The following MTX3 variants were observed in gnomAD, a reference collection of about 807,000 sequenced individuals.
The protein encoded by MTX3 is metaxin-3.
A neutral mutation model predicts 42.5 loss-of-function variants in MTX3; 27 were observed. That is an observed-to-expected ratio of 0.64 (90% CI 0.47 to 0.88). The LOEUF (loss-of-function observed/expected upper bound fraction) is 0.88, where lower values mean the gene tolerates loss of function less well. Ranked by LOEUF, MTX3 falls within the 40% of genes least tolerant of loss-of-function variation. The pLI is 0.00. For synonymous variants in MTX3, 144 were observed against 132.9 expected (o/e 1.08, Z -0.57); for missense variants, 378 against 367.0 (o/e 1.03, Z -0.25).
At chr5:79,989,322 T>C in intron 3 of MTX3, 78 bp from the exon 4 acceptor site, 1 of 876,874 alleles carries the variant, frequency 1.1e-6, no homozygotes, top group South Asian at 1.7e-5. Context: ...CAAATCAGGA[T>C]TCATATTTTT....
intron 1 of MTX3, 40 bp downstream of exon 1, chr5:79,991,117 CG>C (rs1450334845): frequency 1.3e-6 from 2 of 1,533,416 alleles, no homozygotes; most frequent in African/African-American, 2.8e-5. Flanking sequence ...CCTCCAGCCC[CG>C]CCCCTTCCTC....
chr5:79,985,924 G>GT (rs59185045), intron 7 of MTX3, among the ~76,000 whole-genome samples: 12,614 of 97,996 alleles, frequency 0.13, 1,167 homozygotes, highest in African/African-American at 0.32. Flanking sequence ...ACAATAATTA[G>GT]TTTTTTTTTT....
At position 79,982,788 on chromosome 5, in the gene MTX3, A is replaced by T; in HGVS notation, c.*896T>A. 1 of 195,370 alleles carries T rather than the reference A, an allele frequency of 5.1e-6. No individual in the cohort carries two copies. The highest frequency in any genetic ancestry group is 1.1e-5 in the Non-Finnish European group (1 of 94,374). The allele number at this position is 195,370 out of a possible 1,614,324, so 12.1% of individuals were successfully genotyped here. ...CATAGAAAACTTGGACCAGATGCAC[A>T]GTATTTCTACTACCCTGGCCATGGG... On this transcript the variant is annotated 3_prime_UTR_variant, in exon 9 of 9. Transcript: ENST00000512528.
intron 7 of MTX3, among the ~76,000 whole-genome samples, chr5:79,985,929 T>TG (rs1355785124): frequency 3.4e-5 from 4 of 117,238 alleles, no homozygotes; most frequent in African/African-American, 1.3e-4. Context: ...AATTAGTTTT[T>TG]TTTTTTTTTT....
rs1490276009 is a variant in MTX3 at position 79,982,365 on chromosome 5, G to T, written c.*1319C>A. 1 of 456,276 alleles carries T rather than the reference G, an allele frequency of 2.2e-6. No homozygotes were observed. The highest frequency in any genetic ancestry group is 2.0e-5 in the African/African-American group (1 of 50,056). The allele number at this position is 456,276 out of a possible 1,614,324, so 28.3% of individuals were successfully genotyped here. A position where few individuals can be genotyped will look rare whatever the true frequency, so the allele number is the denominator to read the frequency against. On this transcript the variant is annotated 3_prime_UTR_variant, in exon 9 of 9. Coordinates refer to ENST00000512528, the MANE Select transcript of MTX3 (RefSeq NM_001363818.2). ...GAGCTCCACTCAGCTCAAATTAGATGAGTCTTTTGACTACAAAGCTCATTT... is the reference window on the plus strand; with the variant it reads ...GAGCTCCACTCAGCTCAAATTAGATTAGTCTTTTGACTACAAAGCTCATTT...
chr5:79,983,749 G>A lies in MTX3; in HGVS notation c.874C>T (p.Leu292=). The change falls in exon 9 of 9, where the codon CTG becomes TTG. Residue 292 remains leucine, a synonymous_variant. Transcript: ENST00000512528. ...RQSPQLPPRK[L]PTLKLTPAEE... The stretch of plus-strand genomic sequence containing the variant: ...GCTGGAGTCAATTTAAGTGTTGGCA[G>A]TTTCCGAGGAGGAAGCTGAGGGCTT... The A allele has an allele frequency of 6.2e-7, 1 of 1,613,940 alleles. No individual in the cohort carries two copies. Among genetic ancestry groups the A allele is most frequent in the Non-Finnish European group, 8.5e-7 (1 of 1,179,830 alleles).
rs754862707 is a variant in MTX3, at chr5:79,990,672, G to C, written c.82-9C>G. 47 of 1,609,908 alleles carry C rather than the reference G, an allele frequency of 2.9e-5. No homozygotes were observed. Among genetic ancestry groups the C allele is most frequent in the Non-Finnish European group, 4.0e-5 (47 of 1,176,792 alleles). On this transcript the variant is annotated splice_polypyrimidine_tract_variant and intron_variant, in intron 1 of 8. Transcript: ENST00000512528. ...GAAAATTTGGCATAAGCCTGAAACA[G>C]AGTTTGCAATCAAACATTTTAGACC...
intron 3 of MTX3, 111 bp downstream of exon 3, chr5:79,990,049 G>A (rs543835862): frequency 5.6e-6 from 3 of 532,868 alleles, no homozygotes; most frequent in South Asian, 3.8e-5. Context: ...CTTGTCCCAG[G>A]TATCTCCAAT....
intron 7 of MTX3, 43 bp downstream of exon 7, chr5:79,986,907 G>T: frequency 6.3e-7 from 1 of 1,591,686 alleles, no homozygotes; most frequent in South Asian, 1.1e-5. Flanking sequence ...ACATACATAG[G>T]AGAATATGCA....
At position 79,989,325 on chromosome 5, in the gene MTX3, A is replaced by G. The variant is rs192629153; in HGVS notation, c.229-81T>C. ...AGTAAAACTAATCAAATCAGGATTC[A>G]TATTTTTCCTTACAAATAGCAAACG... On this transcript the variant is annotated intron_variant, in intron 3 of 8. Coordinates refer to ENST00000512528, the MANE Select transcript of MTX3 (RefSeq NM_001363818.2). 4 of 865,740 alleles carry G rather than the reference A, an allele frequency of 4.6e-6. No homozygotes were observed. The East Asian group carries it at 8.1e-5, about 18-fold the overall frequency. 53.6% of individuals were successfully genotyped at this position (865,740 alleles called of 1,614,324 possible). A position where few individuals can be genotyped will look rare whatever the true frequency, so the allele number is the denominator to read the frequency against.
intron 7 of MTX3, among the ~76,000 whole-genome samples, 171 bp from the exon 8 acceptor site, chr5:79,985,830 T>C (rs1831476097): frequency 6.6e-6 from 1 of 150,840 alleles, no homozygotes; most frequent in Non-Finnish European, 1.5e-5. Context: ...GGGATTCGAA[T>C]GCTCTAAAAC....
Position 79,983,065 on chromosome 5 carries a change from T to C in MTX3, c.*619A>G, listed in dbSNP as rs1230514757. The C allele has an allele frequency of 6.5e-6, 1 of 154,218 alleles. No homozygotes were observed. Among genetic ancestry groups the C allele is most frequent in the Non-Finnish European group, 1.4e-5 (1 of 69,410 alleles). The allele number at this position is 154,218 out of a possible 1,614,324, so 9.6% of individuals were successfully genotyped here. On this transcript the variant is annotated 3_prime_UTR_variant, in exon 9 of 9. Coordinates refer to ENST00000512528, the MANE Select transcript of MTX3 (RefSeq NM_001363818.2). The stretch of plus-strand genomic sequence containing the variant: ...AAATGAGTATTATCAGATGTTATTA[T>C]ATGTAACCACCTTTAATATTTATCT...
In MTX3 at chr5:79,989,153, A is replaced by G; in HGVS notation, c.320T>C (p.Val107Ala). The change falls in exon 4 of 9, where the codon GTG becomes GCG. Residue 107 changes from valine to alanine, a missense_variant and splice_region_variant. Coordinates refer to ENST00000512528, the MANE Select transcript of MTX3 (RefSeq NM_001363818.2). Reference protein sequence around the residue: ...ALLEEKLLPAVLHTFWVESDN... With the variant: ...ALLEEKLLPAALHTFWVESDN... Reference sequence around the variant, plus strand: ...ACTGTAATATTTAAGAACACTCACCACTGCAGGGAGAAGCTTCTCTTCGAG... The same window carrying G: ...ACTGTAATATTTAAGAACACTCACCGCTGCAGGGAGAAGCTTCTCTTCGAG... 5.7e-6 allele frequency: 9 copies of G among 1,592,434 alleles called. No homozygotes were observed. The highest frequency in any genetic ancestry group is 7.7e-6 in the Non-Finnish European group (9 of 1,166,932).
At position 79,990,160 on chromosome 5, in the gene MTX3, C is replaced by T; in HGVS notation, c.228G>A (p.Gln76=). Residue 76 remains glutamine, a splice_region_variant and synonymous_variant, in exon 3 of 9, where the codon CAG becomes CAA. Transcript: ENST00000512528. The part of the protein sequence containing the change: ...PAKILNFLRK[Q]KYNADYELSA... ...TACTTCTTCAAAGTGAACCACCCAC[C>T]TGTTTTCTTAAAAAGTTTAGTATTT... The T allele has an allele frequency of 6.2e-7, 1 of 1,602,026 alleles. No homozygotes were observed. The highest frequency in any genetic ancestry group is 8.5e-7 in the Non-Finnish European group (1 of 1,172,182).
At position 79,981,266 on chromosome 5, in the gene MTX3, A is replaced by T. The variant is rs1383759668; in HGVS notation, c.*2418T>A. The T allele has an allele frequency of 6.6e-6, 1 of 152,142 alleles. No individual in the cohort carries two copies. Among genetic ancestry groups the T allele is most frequent in the Non-Finnish European group, 1.5e-5 (1 of 68,032 alleles). The allele number at this position is 152,142 out of a possible 1,614,324, so 9.4% of individuals were successfully genotyped here. A position where few individuals can be genotyped will look rare whatever the true frequency, so the allele number is the denominator to read the frequency against. On this transcript the variant is annotated 3_prime_UTR_variant, in exon 9 of 9. Transcript: ENST00000512528. ...CTCAGTTACAGCTTCCTGTCATCTC[A>T]TTTACTTATACATAAATAGCTCAAC...
At chr5:79,985,889 C>T (rs1439743896) in intron 7 of MTX3, among the ~76,000 whole-genome samples, 1 of 150,048 alleles carries the variant, frequency 6.7e-6, no homozygotes, top group Non-Finnish European at 1.5e-5. Flanking sequence ...GTAGACACTG[C>T]TAACCAAGTG....
rs1159069461 is a variant in MTX3 at position 79,980,700 on chromosome 5, T to C, written c.*2984A>G. The C allele has an allele frequency of 6.6e-6, 1 of 152,188 alleles. No individual in the cohort carries two copies. The highest frequency in any genetic ancestry group is 1.5e-5 in the Non-Finnish European group (1 of 68,038). 9.4% of individuals were successfully genotyped at this position (152,188 alleles called of 1,614,324 possible). A position where few individuals can be genotyped will look rare whatever the true frequency, so the allele number is the denominator to read the frequency against. The stretch of plus-strand genomic sequence containing the variant: ...ATAAACACAAGCATGTTCCCTTTAA[T>C]CATATTATCCTCCACCATTACTTCC... On this transcript the variant is annotated 3_prime_UTR_variant, in exon 9 of 9. Transcript: ENST00000512528.
rs1831309063 is a variant in MTX3 at position 79,978,680 on chromosome 5, T to A, written c.*5004A>T. ...GCTTCTTGGAGATTTAAAATGCACA[T>A]TAGCGTATCAAAGGTCTGAAAGGCC... is the stretch of plus-strand genomic sequence containing the variant. On this transcript the variant is annotated 3_prime_UTR_variant, in exon 9 of 9. Coordinates refer to ENST00000512528, the MANE Select transcript of MTX3 (RefSeq NM_001363818.2). 1 of 152,168 alleles carries A rather than the reference T, an allele frequency of 6.6e-6. No homozygotes were observed. The highest frequency in any genetic ancestry group is 2.4e-5 in the African/African-American group (1 of 41,434). The allele number at this position is 152,168 out of a possible 1,614,324, so 9.4% of individuals were successfully genotyped here.
At chr5:79,990,481 A>G (rs1831615353) in intron 2 of MTX3, 113 bp downstream of exon 2, 1 of 755,602 alleles carries the variant, frequency 1.3e-6, no homozygotes, top group African/African-American at 1.8e-5. Context: ...ACACAGAGCC[A>G]AGGTCACGGT....
Sources: gnomAD v4.1 joint callset for allele counts (sites outside exome capture counted in the v4.1 genomes callset) on GRCh38, gnomAD v4.1.1 for gene constraint, MANE v1.5 for transcripts, NCBI Gene and HGNC (gene_info 2026-07-23, HGNC 2026-07-21) for gene names.